Variants in SRBD1 observed in about 807,000 individuals in gnomAD.
SRBD1 encodes the protein S1 RNA binding domain 1.
In SRBD1, 88 loss-of-function variants were observed where a neutral mutation model predicts 115.3. The ratio of observed to expected loss-of-function variants is 0.76; its 90% CI spans 0.64 to 0.91. The LOEUF (loss-of-function observed/expected upper bound fraction) is 0.91, where lower values mean the gene tolerates loss of function less well. Among genes scored for constraint, SRBD1 ranks in the 40% least tolerant of loss-of-function variants. The pLI is 0.00. For missense variants in SRBD1, 1,385 were observed against 1,177.4 expected (o/e 1.18, Z -2.58); for synonymous variants, 509 against 407.7 (o/e 1.25, Z -2.99).
At chr2:45,572,172 A>G (rs954981605) in intron 9 of SRBD1, among the ~76,000 whole-genome samples, 8 of 152,214 alleles carry the variant, frequency 5.3e-5, no homozygotes, top group African/African-American at 1.9e-4. Context: ...TAAGATTAAC[A>G]GCTGATTCCT....
intron 16 of SRBD1, among the ~76,000 whole-genome samples, chr2:45,440,125 T>G (rs1261973114): frequency 1.3e-5 from 2 of 152,218 alleles, no homozygotes; most frequent in Non-Finnish European, 2.9e-5. Flanking sequence ...GCTGCTTGTT[T>G]GGTTCTCATT....
chr2:45,419,755 A>G lies in SRBD1; in HGVS notation c.2156+33T>C, dbSNP rs527855063. 43 of 1,598,994 alleles carry G rather than the reference A, an allele frequency of 2.7e-5. No homozygotes were observed. The South Asian group carries it at 4.5e-4, about 17-fold the overall frequency. Reference sequence around the variant, plus strand: ...GACTGGACAGCCAGTTAAACTCAAGATTCTGTGATCTTCAGCCACATATTT... The same window carrying G: ...GACTGGACAGCCAGTTAAACTCAAGGTTCTGTGATCTTCAGCCACATATTT... On this transcript the variant is annotated intron_variant, in intron 17 of 20. Transcript: ENST00000263736.
chr2:45,473,736 T>C (rs1000193746), intron 16 of SRBD1, among the ~76,000 whole-genome samples: 1 of 152,214 alleles, frequency 6.6e-6, no homozygotes, highest in Non-Finnish European at 1.5e-5. Flanking sequence ...TTTAGTCAGT[T>C]CCTCTTTATC....
intron 1 of SRBD1, among the ~76,000 whole-genome samples, chr2:45,608,143 G>C (rs143931305): frequency 1.3e-5 from 2 of 152,138 alleles, no homozygotes. Context: ...GCAAACCCTT[G>C]GCAGGCTTAT....
intron 14 of SRBD1, among the ~76,000 whole-genome samples, chr2:45,527,701 T>C (rs1218182775): frequency 6.6e-6 from 1 of 151,892 alleles, no homozygotes; most frequent in Non-Finnish European, 1.5e-5. Context: ...ATACTATTAT[T>C]ATCCCCACTT....
At chr2:45,583,747 A>C (rs755989675) in intron 5 of SRBD1, among the ~76,000 whole-genome samples, 1 of 152,160 alleles carries the variant, frequency 6.6e-6, no homozygotes, top group Non-Finnish European at 1.5e-5. Context: ...AATAAAGATC[A>C]TATCTCATTA....
chr2:45,510,909 G>A (rs569477497), intron 14 of SRBD1, among the ~76,000 whole-genome samples: 47 of 152,246 alleles, frequency 3.1e-4, no homozygotes, highest in African/African-American at 9.9e-4. Flanking sequence ...CTTTTTGAAA[G>A]GCTTTTCAAA....
intron 16 of SRBD1, among the ~76,000 whole-genome samples, chr2:45,460,042 A>G (rs186561454): frequency 6.6e-6 from 1 of 152,314 alleles, no homozygotes; most frequent in African/African-American, 2.4e-5. Flanking sequence ...ATTCTAATCT[A>G]GAGTCCAAAT....
At chr2:45,591,004 T>A (rs1359721688) in intron 4 of SRBD1, among the ~76,000 whole-genome samples, 6 of 142,160 alleles carry the variant, frequency 4.2e-5, no homozygotes, top group Non-Finnish European at 7.7e-5. Context: ...GCAACAAGAG[T>A]GAAACTCTCA....
intron 16 of SRBD1, among the ~76,000 whole-genome samples, chr2:45,449,118 G>T (rs1357777121): frequency 6.6e-6 from 1 of 151,984 alleles, no homozygotes; most frequent in Non-Finnish European, 1.5e-5. Context: ...CTTTTTTATT[G>T]AACATTTTCT....
At chr2:45,514,189 A>G (rs904553012) in intron 14 of SRBD1, among the ~76,000 whole-genome samples, 2 of 152,222 alleles carry the variant, frequency 1.3e-5, no homozygotes, top group East Asian at 1.9e-4. Context: ...ACTTTTATTC[A>G]TCTCTAAGAA....
intron 4 of SRBD1, among the ~76,000 whole-genome samples, chr2:45,598,095 G>C (rs1468090048): frequency 6.6e-6 from 1 of 152,174 alleles, no homozygotes; most frequent in African/African-American, 2.4e-5. Context: ...CTTTAAGAAA[G>C]GCTTCAGGGT....
At chr2:45,523,624 A>G (rs1307627868) in intron 14 of SRBD1, among the ~76,000 whole-genome samples, 1 of 151,930 alleles carries the variant, frequency 6.6e-6, no homozygotes, top group African/African-American at 2.4e-5. Flanking sequence ...GACACAAACT[A>G]CCAAAAATGA....
chr2:45,420,119 A>G (rs1346454066), intron 16 of SRBD1, among the ~76,000 whole-genome samples: 1 of 152,176 alleles, frequency 6.6e-6, no homozygotes, highest in Non-Finnish European at 1.5e-5. Context: ...CAGTACCAGT[A>G]TTTTTCCCTT....
chr2:45,495,450 T>A (rs142957076), intron 14 of SRBD1, among the ~76,000 whole-genome samples: 1 of 152,180 alleles, frequency 6.6e-6, no homozygotes, highest in Non-Finnish European at 1.5e-5. Context: ...TTGTTTCCCC[T>A]TACCTTCCAC....
In SRBD1 at chr2:45,602,099, C is replaced by T; in HGVS notation, c.81-16G>A. 1 of 1,593,506 alleles carries T rather than the reference C, an allele frequency of 6.3e-7. No individual in the cohort carries two copies. The highest frequency in any genetic ancestry group is 8.5e-7 in the Non-Finnish European group (1 of 1,170,844). On this transcript the variant is annotated splice_polypyrimidine_tract_variant and intron_variant, in intron 2 of 20. Coordinates refer to ENST00000263736, the MANE Select transcript of SRBD1 (RefSeq NM_018079.5). ...GGCAGATGATCTAGAAGTAAATCAA[C>T]AGAATAATCTCCAGGAAAAATAAAA...
chr2:45,452,209 A>G (rs1669019818), intron 16 of SRBD1, among the ~76,000 whole-genome samples: 1 of 152,004 alleles, frequency 6.6e-6, no homozygotes, highest in Non-Finnish European at 1.5e-5. Flanking sequence ...TCTCATTTTC[A>G]GAAATTTGGG....
chr2:45,551,480 A>C (rs1290433233), intron 11 of SRBD1, among the ~76,000 whole-genome samples, 198 bp from the exon 12 acceptor site: 1 of 152,234 alleles, frequency 6.6e-6, no homozygotes, highest in Non-Finnish European at 1.5e-5. Flanking sequence ...GCAATTCTGA[A>C]GCAAGTCTTG....
intron 16 of SRBD1, among the ~76,000 whole-genome samples, chr2:45,451,522 A>G (rs1051531277): frequency 2.0e-5 from 3 of 152,054 alleles, no homozygotes; most frequent in African/African-American, 7.2e-5. Flanking sequence ...GATAGCATTC[A>G]TGAGATACAC....
Sources: allele counts gnomAD v4.1 joint callset (sites outside exome capture counted in the v4.1 genomes callset), GRCh38; gene constraint gnomAD v4.1.1; transcripts MANE v1.5; gene names NCBI Gene and HGNC (gene_info 2026-07-23, HGNC 2026-07-21).